The following KLHL32 variants were observed in gnomAD, a reference collection of about 807,000 sequenced individuals.
The protein encoded by KLHL32 is kelch like family member 32.
KLHL32 carries 35 observed loss-of-function variants against 64.8 expected under a neutral mutation model. That is an observed-to-expected ratio of 0.54 (90% CI 0.41 to 0.72). The LOEUF (loss-of-function observed/expected upper bound fraction) is 0.72, where lower values mean the gene tolerates loss of function less well. KLHL32 is among the 30% of genes least tolerant of loss of function. The pLI is 0.00. For missense variants in KLHL32, 589 were observed against 768.5 expected (o/e 0.77, Z 2.76); for synonymous variants, 259 against 281.0 (o/e 0.92, Z 0.78).
At chr6:97,014,753 C>T (rs958541094) in intron 3 of KLHL32, among the ~76,000 whole-genome samples, 1 of 152,202 alleles carries the variant, frequency 6.6e-6, no homozygotes, top group Admixed American at 6.5e-5. Context: ...AAGGATGCAG[C>T]CAAGTCTCAA....
At chr6:96,908,501 A>G in the KLHL32 span, among the ~76,000 whole-genome samples, 54 of 152,358 alleles carry the variant, frequency 3.5e-4, no homozygotes, top group East Asian at 9.1e-3. Flanking sequence ...GAATCAGAAC[A>G]CTTGGAATCA....
chr6:97,046,518 A>C (rs927660784), intron 4 of KLHL32, among the ~76,000 whole-genome samples: 4 of 152,200 alleles, frequency 2.6e-5, no homozygotes, highest in African/African-American at 9.7e-5. Flanking sequence ...AAGTCAGTCC[A>C]TGAGGGCTTA....
intron 3 of KLHL32, among the ~76,000 whole-genome samples, chr6:97,014,007 T>C (rs907021834): frequency 2.0e-5 from 3 of 152,156 alleles, no homozygotes; most frequent in Non-Finnish European, 4.4e-5. Context: ...ATTTTCTCTC[T>C]GTATATGTTT....
In KLHL32 at chr6:97,114,129, A is replaced by G. The variant is rs755501307; in HGVS notation, c.974A>G (p.Asn325Ser). Residue 325 changes from asparagine to serine, a missense_variant, in exon 7 of 11, where the codon AAC becomes AGC. Physicochemically the swap from Asn to Ser is conservative, Grantham distance 46. Coordinates refer to ENST00000369261, the MANE Select transcript of KLHL32 (RefSeq NM_052904.4). Reference sequence around the variant, plus strand: ...AATGCTCTCATAGCTGCCATTGCCAACTGGAGTGAGCTGGCTCCCATGCCT... The same window carrying G: ...AATGCTCTCATAGCTGCCATTGCCAGCTGGAGTGAGCTGGCTCCCATGCCT... Reference protein sequence around the residue: ...QENALIAAIANWSELAPMPVG... With the variant: ...QENALIAAIASWSELAPMPVG... 3 of 1,614,166 alleles carry G rather than the reference A, an allele frequency of 1.9e-6. No individual in the cohort carries two copies. Among genetic ancestry groups the G allele is most frequent in the Non-Finnish European group, 2.5e-6 (3 of 1,180,026 alleles).
At chr6:97,056,249 G>A (rs1017243352) in intron 4 of KLHL32, among the ~76,000 whole-genome samples, 3 of 151,802 alleles carry the variant, frequency 2.0e-5, no homozygotes, top group Non-Finnish European at 4.4e-5. Context: ...GGGACTACAG[G>A]CGCCCGCCAC....
intron 3 of KLHL32, among the ~76,000 whole-genome samples, chr6:96,994,948 A>G (rs1778258169): frequency 6.6e-6 from 1 of 152,178 alleles, no homozygotes; most frequent in South Asian, 2.1e-4. Context: ...TCTGTTCACC[A>G]TTGTTTCCCA....
intron 4 of KLHL32, among the ~76,000 whole-genome samples, chr6:97,048,494 A>T (rs1022449734): frequency 1.2e-4 from 18 of 152,120 alleles, no homozygotes; most frequent in Non-Finnish European, 2.9e-5. Context: ...AAACTATCAT[A>T]CTCTGTTAAG....
At chr6:96,966,449 A>G (rs1208073600) in intron 1 of KLHL32, among the ~76,000 whole-genome samples, 4 of 152,218 alleles carry the variant, frequency 2.6e-5, no homozygotes, top group Non-Finnish European at 5.9e-5. Flanking sequence ...TGAAGCCCCT[A>G]TAAGAATCCA....
chr6:97,135,439 G>C (rs1013369287), intron 10 of KLHL32, among the ~76,000 whole-genome samples: 4 of 150,482 alleles, frequency 2.7e-5, no homozygotes, highest in African/African-American at 9.8e-5. Flanking sequence ...CTGAGTAACT[G>C]GGATTTCAGG....
At chr6:97,051,061 T>C (rs1786824339) in intron 4 of KLHL32, among the ~76,000 whole-genome samples, 1 of 152,126 alleles carries the variant, frequency 6.6e-6, no homozygotes, top group Non-Finnish European at 1.5e-5. Context: ...CTTACAGCAT[T>C]TATAATCTTT....
intron 5 of KLHL32, among the ~76,000 whole-genome samples, chr6:97,081,244 TA>T (rs1792465112): frequency 1.3e-5 from 2 of 152,110 alleles, no homozygotes; most frequent in Admixed American, 6.5e-5. Flanking sequence ...TTAGCAGGCT[TA>T]TGATTGGCTA....
intron 4 of KLHL32, among the ~76,000 whole-genome samples, chr6:97,049,073 C>T (rs1341440760): frequency 6.6e-6 from 1 of 152,194 alleles, no homozygotes; most frequent in African/African-American, 2.4e-5. Context: ...CCCTTCCTTA[C>T]CTGCTGGGGC....
the KLHL32 span, among the ~76,000 whole-genome samples, chr6:96,916,645 A>C: frequency 2.6e-5 from 4 of 152,194 alleles, no homozygotes; most frequent in South Asian, 2.1e-4. Flanking sequence ...TGTGCACATA[A>C]AAATTAGAAT....
intron 3 of KLHL32, among the ~76,000 whole-genome samples, chr6:96,989,987 T>C (rs1402635833): frequency 2.0e-5 from 3 of 152,240 alleles, no homozygotes; most frequent in Non-Finnish European, 4.4e-5. Flanking sequence ...TCAGCTCTTA[T>C]ATAATTTTAT....
chr6:96,967,314 A>G (rs2128033637), intron 2 of KLHL32, among the ~76,000 whole-genome samples: 1 of 152,236 alleles, frequency 6.6e-6, no homozygotes, highest in South Asian at 2.1e-4. Flanking sequence ...CTATTTTTTA[A>G]TCTTTTTTTC....
upstream of KLHL32, among the ~76,000 whole-genome samples, chr6:96,919,683 T>C (rs1405104626): frequency 6.6e-6 from 1 of 152,184 alleles, no homozygotes; most frequent in African/African-American, 2.4e-5. Context: ...AGTAATGCTT[T>C]TAATTTACTA....
chr6:96,984,148 A>C (rs1776706545), intron 3 of KLHL32, among the ~76,000 whole-genome samples: 2 of 152,196 alleles, frequency 1.3e-5, no homozygotes, highest in Admixed American at 1.3e-4. Context: ...CCCAGTAGTC[A>C]TTCAGGAGCA....
intron 3 of KLHL32, among the ~76,000 whole-genome samples, chr6:97,005,731 C>T (rs1779587174): frequency 6.6e-6 from 1 of 152,092 alleles, no homozygotes; most frequent in Admixed American, 6.6e-5. Context: ...CTTAATTTCA[C>T]TGTTTACCCA....
At chr6:97,012,885 A>G in intron 3 of KLHL32, among the ~76,000 whole-genome samples, 1 of 152,114 alleles carries the variant, frequency 6.6e-6, no homozygotes, top group East Asian at 1.9e-4. Flanking sequence ...CTTTATTATT[A>G]TTGTTATTGT....
Sources: allele counts gnomAD v4.1 joint callset (sites outside exome capture counted in the v4.1 genomes callset), GRCh38; gene constraint gnomAD v4.1.1; transcripts MANE v1.5; gene names NCBI Gene and HGNC (gene_info 2026-07-23, HGNC 2026-07-21).